The following NUP107 variants were observed in gnomAD, a reference collection of about 807,000 sequenced individuals.
The protein encoded by NUP107 is nucleoporin 107, also known as nuclear pore complex protein Nup107.
Under a neutral mutation model 141.0 loss-of-function variants are expected in NUP107, and 101 were observed. The observed-to-expected ratio is 0.72, with a 90% CI of 0.61 to 0.84. The LOEUF is 0.84. Ranked by LOEUF, NUP107 falls within the 40% of genes least tolerant of loss-of-function variation. The pLI, the probability that NUP107 is intolerant of heterozygous loss-of-function variation, is 0.00. For missense variants in NUP107, 941 were observed against 1,102.7 expected, an observed-to-expected ratio of 0.85 and a Z score of 2.08; for synonymous variants, 319 against 363.9, an observed-to-expected ratio of 0.88 and a Z score of 1.41.
chr12:68,700,049 C>A (rs758955078), intron 6 of NUP107, among the ~76,000 whole-genome samples: 1 of 152,048 alleles, frequency 6.6e-6, no homozygotes, highest in Non-Finnish European at 1.5e-5. Context: ...ATTATAGGCA[C>A]ACACCACCAT....
At position 68,733,465 on chromosome 12, in the gene NUP107, C is replaced by T. The variant is rs34342902; in HGVS notation, c.2115C>T (p.His705=). The change falls in exon 24 of 28, where the codon CAC becomes CAT. Residue 705 remains histidine (H), a synonymous_variant. Transcript: ENST00000229179. The part of the protein sequence containing the change: ...IMRKFLASKK[H]EAAKEVFVKI... ...CTTTTTTCACAGCATCAAAAAAGCA[C>T]GAAGCTGCAAAAGAAGTATTTGTGA... 0.013 allele frequency: 20,312 copies of T among 1,609,042 alleles called. 171 individuals carry two copies. The highest frequency in any genetic ancestry group is 0.021 in the South Asian group (1,858 of 90,154).
intron 8 of NUP107, among the ~76,000 whole-genome samples, chr12:68,703,769 T>C (rs1485675185): frequency 6.6e-6 from 1 of 152,208 alleles, no homozygotes; most frequent in Non-Finnish European, 1.5e-5. Context: ...GTTTTAAAAT[T>C]ATTATTTCTT....
At chr12:68,705,756 G>A in intron 8 of NUP107, 1 of 721,976 alleles carries the variant, frequency 1.4e-6, no homozygotes. Context: ...TCTCCCGAAT[G>A]GGCAGCAGCA....
At chr12:68,732,783 C>A in intron 23 of NUP107, 44 bp downstream of exon 23, 1 of 1,265,864 alleles carries the variant, frequency 7.9e-7, no homozygotes, top group Non-Finnish European at 1.1e-6. Context: ...GGGCTCCATT[C>A]TTCTTCCTAC....
intron 12 of NUP107, among the ~76,000 whole-genome samples, chr12:68,718,308 G>A (rs201743950): frequency 3.9e-5 from 6 of 152,028 alleles, no homozygotes; most frequent in East Asian, 1.9e-4. Context: ...TTCTGGAATC[G>A]GATCAGGCCT....
intron 8 of NUP107, among the ~76,000 whole-genome samples, chr12:68,703,457 T>G (rs1234696588): frequency 5.5e-5 from 8 of 145,430 alleles, no homozygotes; most frequent in Admixed American, 1.4e-4. Context: ...AGTTTGTTTG[T>G]TTTTTTTTTT....
intron 8 of NUP107, chr12:68,705,854 G>A: frequency 2.6e-6 from 2 of 781,278 alleles, no homozygotes; most frequent in Non-Finnish European, 4.7e-6. Context: ...AGCCTGCTGA[G>A]CCCCCTTAAC....
intron 15 of NUP107, 114 bp from the exon 16 acceptor site, chr12:68,721,727 G>A (rs1021203626): frequency 1.7e-5 from 18 of 1,032,276 alleles, no homozygotes; most frequent in Admixed American, 8.0e-5. Flanking sequence ...AAAATCTGCC[G>A]TGTTTTATAT....
Position 68,702,800 on chromosome 12 carries a change from A to T in NUP107, c.729+16A>T. 1 of 1,419,206 alleles carries T rather than the reference A, an allele frequency of 7.0e-7. No homozygotes were observed. Among genetic ancestry groups the T allele is most frequent in the Non-Finnish European group, 9.6e-7 (1 of 1,039,326 alleles). The allele number at this position is 1,419,206 out of a possible 1,614,324, so 87.9% of individuals were successfully genotyped here. On this transcript the variant is annotated intron_variant, in intron 8 of 27. Coordinates refer to ENST00000229179, the MANE Select transcript of NUP107 (RefSeq NM_020401.4). ...CGCAGTTACTGTAAGTTTTATATTA[A>T]TTTTTTCTTTTATAAATACATACAA...
At chr12:68,723,716 T>C (rs1361687900) in intron 17 of NUP107, among the ~76,000 whole-genome samples, 1 of 152,230 alleles carries the variant, frequency 6.6e-6, no homozygotes, top group Non-Finnish European at 1.5e-5. Flanking sequence ...ATGTCACACT[T>C]TTTATGTTTT....
Position 68,692,089 on chromosome 12 carries a change from G to T in NUP107, c.425G>T (p.Arg142Leu). 6.3e-7 allele frequency: 1 copy of T among 1,599,828 alleles called. No individual in the cohort carries two copies. Among genetic ancestry groups the T allele is most frequent in the East Asian group, 2.2e-5 (1 of 44,642 alleles). ...EDVTISAVML[R>L]EDDPGEAASM... ...GTAACTATCAGTGCTGTTATGTTAC[G>T]TGAGGATGATCCTGGAGAAGCTGGT... is the stretch of plus-strand genomic sequence containing the variant. The change falls in exon 5 of 28, where the codon CGT becomes CTT. Residue 142 changes from arginine (R) to leucine (L), a missense_variant. Transcript: ENST00000229179.
chr12:68,741,395 G>A (rs755024976), intron 26 of NUP107, among the ~76,000 whole-genome samples: 28 of 152,114 alleles, frequency 1.8e-4, no homozygotes, highest in Non-Finnish European at 3.1e-4. Context: ...CAATGAAGTT[G>A]ACCCTCCCTG....
intron 4 of NUP107, among the ~76,000 whole-genome samples, chr12:68,691,309 T>A (rs1055764826): frequency 2.6e-5 from 4 of 152,212 alleles, no homozygotes; most frequent in Non-Finnish European, 4.4e-5. Context: ...GGTTGGTTGC[T>A]GATGGCTATA....
intron 4 of NUP107, 60 bp from the exon 5 acceptor site, chr12:68,691,908 C>A: frequency 7.4e-7 from 1 of 1,356,350 alleles, no homozygotes; most frequent in Non-Finnish European, 9.9e-7. Context: ...TTAAAGTATC[C>A]ACTCAGTGAC....
chr12:68,714,788 T>A (rs565571928), intron 11 of NUP107, among the ~76,000 whole-genome samples: 2 of 152,368 alleles, frequency 1.3e-5, no homozygotes, highest in African/African-American at 4.8e-5. Flanking sequence ...AGATTTGTAC[T>A]TATTTATTAG....
chr12:68,734,686 GT>G, intron 24 of NUP107, 21 bp from the exon 25 acceptor site: 1 of 1,487,754 alleles, frequency 6.7e-7, no homozygotes, highest in Non-Finnish European at 9.0e-7. Context: ...TTATATTTTG[GT>G]TTTTTTATTT....
chr12:68,739,262 C>T (rs1181666056), intron 26 of NUP107, among the ~76,000 whole-genome samples: 1 of 152,228 alleles, frequency 6.6e-6, no homozygotes, highest in Non-Finnish European at 1.5e-5. Context: ...TAGCACTTAG[C>T]ACAATCTGAT....
chr12:68,700,593 CAA>C, intron 6 of NUP107, 131 bp from the exon 7 acceptor site: 1 of 512,350 alleles, frequency 2.0e-6, no homozygotes, highest in Non-Finnish European at 3.2e-6. Context: ...TTTAAAAAGA[CAA>C]AATAGAGAAG....
In NUP107 at chr12:68,687,007, C is replaced by G; in HGVS notation, c.-59C>G. ...GGCTTGCTTCCGGAGAGCGGGAAGG[C>G]TAAAACGCGGTAGCTAAACTGCAGC... On this transcript the variant is annotated 5_prime_UTR_variant, in exon 1 of 28. Transcript: ENST00000229179. 6.2e-7 allele frequency: 1 copy of G among 1,612,930 alleles called. No individual in the cohort carries two copies. Among genetic ancestry groups the G allele is most frequent in the Non-Finnish European group, 8.5e-7 (1 of 1,178,962 alleles).
Sources: gnomAD v4.1 joint callset for allele counts (sites outside exome capture counted in the v4.1 genomes callset) on GRCh38, gnomAD v4.1.1 for gene constraint, MANE v1.5 for transcripts, NCBI Gene and HGNC (gene_info 2026-07-23, HGNC 2026-07-21) for gene names.